Variants in OSBPL3 observed in about 807,000 individuals in gnomAD.
OSBPL3 encodes oxysterol-binding protein-related protein 3.
OSBPL3 carries 65 observed loss-of-function variants against 120.1 expected under a neutral mutation model. The observed-to-expected ratio is 0.54, with a 90% confidence interval of 0.44 to 0.67. The LOEUF (loss-of-function observed/expected upper bound fraction) is 0.67, where lower values mean the gene tolerates loss of function less well. OSBPL3 is among the 30% of genes least tolerant of loss of function. The pLI is 0.00. For synonymous variants in OSBPL3, 416 were observed against 402.6 expected, an observed-to-expected ratio of 1.03 and a Z score of -0.40; for missense variants, 1,004 against 1,082.1, an observed-to-expected ratio of 0.93 and a Z score of 1.01.
In OSBPL3 at chr7:24,821,770, C is replaced by T. The variant is rs144784089; in HGVS notation, c.1885-1532G>A. 3.9e-5 allele frequency among the ~76,000 whole-genome samples: 6 copies of T among 152,358 alleles called. No homozygotes were observed. Among genetic ancestry groups the T allele is most frequent in the Admixed American group, 1.3e-4 (2 of 15,306 alleles). ...TTAGTTCCCATGTGCCTCCTAAGAA[C>T]GTGAGCCCTTCTGTGCCTGTGGGAT... On this transcript the variant is annotated intron_variant, in intron 16 of 22. Coordinates refer to ENST00000313367, the MANE Select transcript of OSBPL3 (RefSeq NM_015550.4). This position sits in a 1 kb window ranked among gnomAD's most constrained non-coding sequence, Gnocchi z 5.5.
chr7:24,817,920 GA>G lies in OSBPL3; in HGVS notation c.1949-1233del, dbSNP rs1409769653. 6.6e-6 allele frequency among the ~76,000 whole-genome samples: 1 copy of G among 152,178 alleles called. No individual in the cohort carries two copies. The highest frequency in any genetic ancestry group is 1.5e-5 in the Non-Finnish European group (1 of 68,032). ...GTACCAACAGAGAAGCCAGGAAATA[GA>G]AAAAGAACAGCAAGAGGATCCCATC... On this transcript the variant is annotated intron_variant, in intron 17 of 22. Coordinates refer to ENST00000313367, the MANE Select transcript of OSBPL3 (RefSeq NM_015550.4). This position sits in a 1 kb window ranked among gnomAD's most constrained non-coding sequence, Gnocchi z 4.0.
At position 24,912,547 on chromosome 7, in the gene OSBPL3, A is replaced by G. The variant is rs991137664; in HGVS notation, c.-149-19926T>C. On this transcript the variant is annotated intron_variant, in intron 1 of 22. Transcript: ENST00000313367. This position sits in a 1 kb window ranked among gnomAD's most constrained non-coding sequence, Gnocchi z 4.5. ...GTACTATGCAAAAGGCAACTCTCCC[A>G]TCCTCACACCCAAAGACAGAACAGC... Among the ~76,000 whole-genome samples the G allele has an allele frequency of 1.4e-4, 21 of 152,306 alleles. No individual in the cohort carries two copies. Among genetic ancestry groups the G allele is most frequent in the African/African-American group, 5.1e-4 (21 of 41,562 alleles).
At chr7:24,949,736 C>T (rs750395142) in intron 1 of OSBPL3, among the ~76,000 whole-genome samples, 14 of 152,052 alleles carry the variant, frequency 9.2e-5, no homozygotes, top group Non-Finnish European at 1.6e-4. Flanking sequence ...TACAAATGGC[C>T]CAGTGCACAA....
intron 16 of OSBPL3, among the ~76,000 whole-genome samples, chr7:24,826,051 A>G (rs1249804810): frequency 2.6e-5 from 4 of 152,238 alleles, no homozygotes; most frequent in African/African-American, 9.6e-5. Context: ...TGAAAAAAGG[A>G]ACATAGCCAA....
In OSBPL3 at chr7:24,966,110, C is replaced by T. The variant is rs959001502; in HGVS notation, c.-150+13776G>A. Among the ~76,000 whole-genome samples, 1 of 152,236 alleles carries T rather than the reference C, an allele frequency of 6.6e-6. No homozygotes were observed. The highest frequency in any genetic ancestry group is 2.4e-5 in the African/African-American group (1 of 41,452). ...TGTGGGAGGTCCATGACTTGCTAAA[C>T]CTCAGCCTGAGTTAACTAGCTACAG... On this transcript the variant is annotated intron_variant, in intron 1 of 22. Transcript: ENST00000313367. The surrounding 1 kb of genome is among the most constrained non-coding windows in gnomAD (Gnocchi z 4.8).
chr7:24,863,005 G>A lies in OSBPL3; in HGVS notation c.870+195C>T, dbSNP rs1278249536. ...AGAAAAAATTCTCTCCCTTGCCCACGATCCATTATGTGCTTATCCTAGCAC... is the reference window on the plus strand; with the variant it reads ...AGAAAAAATTCTCTCCCTTGCCCACAATCCATTATGTGCTTATCCTAGCAC... On this transcript the variant is annotated intron_variant, in intron 9 of 22. Coordinates refer to ENST00000313367, the MANE Select transcript of OSBPL3 (RefSeq NM_015550.4). This position sits in a 1 kb window ranked among gnomAD's most constrained non-coding sequence, Gnocchi z 5.8. Among the ~76,000 whole-genome samples the A allele has an allele frequency of 2.6e-5, 4 of 152,110 alleles. No individual in the cohort carries two copies. The highest frequency in any genetic ancestry group is 4.8e-5 in the African/African-American group (2 of 41,402).
rs1562824844 is a variant in OSBPL3 at position 24,851,160 on chromosome 7, A to G, written c.1158+1344T>C. On this transcript the variant is annotated intron_variant, in intron 11 of 22. Coordinates refer to ENST00000313367, the MANE Select transcript of OSBPL3 (RefSeq NM_015550.4). The surrounding 1 kb of genome is among the most constrained non-coding windows in gnomAD (Gnocchi z 4.1). ...ACCTTTTGTAAATGCACTAAAAGCTAGCTTAATGAGAACAATAAGAAAGTT... is the reference window on the plus strand; with the variant it reads ...ACCTTTTGTAAATGCACTAAAAGCTGGCTTAATGAGAACAATAAGAAAGTT... 6.6e-6 allele frequency among the ~76,000 whole-genome samples: 1 copy of G among 152,236 alleles called. No homozygotes were observed.
At chr7:24,866,756 A>G (rs1414500751) in intron 5 of OSBPL3, among the ~76,000 whole-genome samples, 4 of 152,174 alleles carry the variant, frequency 2.6e-5, no homozygotes, top group Non-Finnish European at 5.9e-5. Context: ...CAGAGTAAAA[A>G]TGATCTTTAT....
In OSBPL3 at chr7:24,863,720, G is replaced by A; in HGVS notation, c.674-121C>T. The A allele has an allele frequency of 1.5e-6, 1 of 663,904 alleles. No homozygotes were observed. The highest frequency in any genetic ancestry group is 3.1e-4 in the Middle Eastern group (1 of 3,238). The allele number at this position is 663,904 out of a possible 1,614,324, so 41.1% of individuals were successfully genotyped here. A position where few individuals can be genotyped will look rare whatever the true frequency, so the allele number is the denominator to read the frequency against. ...AGTTGATTTTTTTTTTCATCTGTAA[G>A]GGTTGGAAATTTTACTTCCTTTTTT... is the stretch of plus-strand genomic sequence containing the variant. On this transcript the variant is annotated intron_variant, in intron 7 of 22. Transcript: ENST00000313367. The surrounding 1 kb of genome is among the most constrained non-coding windows in gnomAD (Gnocchi z 5.8).
Position 24,866,150 on chromosome 7 carries a change from G to GCCA in OSBPL3, c.468_469insTGG (p.Pro156_His157insTrp). On this transcript the variant is annotated inframe_insertion, in exon 6 of 23. Coordinates refer to ENST00000313367, the MANE Select transcript of OSBPL3 (RefSeq NM_015550.4). ...CCTGAGAAAAAGTGGTTAACTTCAT[G>GCCA]TGGAAACATGGCAATTTCATTCTGA... 6.2e-7 allele frequency: 1 copy of GCCA among 1,613,088 alleles called. No individual in the cohort carries two copies. Among genetic ancestry groups the GCCA allele is most frequent in the Non-Finnish European group, 8.5e-7 (1 of 1,178,980 alleles).
At position 24,820,817 on chromosome 7, in the gene OSBPL3, T is replaced by TAA. The variant is rs34650111; in HGVS notation, c.1885-581_1885-580dup. Among the ~76,000 whole-genome samples, 34,708 of 146,890 alleles carry TAA rather than the reference T, an allele frequency of 0.24. 5,200 individuals are homozygous for TAA. The highest frequency in any genetic ancestry group is 0.43 in the African/African-American group (17,093 of 40,158). ...TTTTTTTAAAAAAGAGTGTTTCTATTAAAAAAAAAAAAGGTAAACACAATT... is the reference window on the plus strand; with the variant it reads ...TTTTTTTAAAAAAGAGTGTTTCTATTAAAAAAAAAAAAAAGGTAAACACAATT... On this transcript the variant is annotated intron_variant, in intron 16 of 22. Coordinates refer to ENST00000313367, the MANE Select transcript of OSBPL3 (RefSeq NM_015550.4). This position sits in a 1 kb window ranked among gnomAD's most constrained non-coding sequence, Gnocchi z 4.6.
chr7:24,807,598 TAA>T (rs1169828343), intron 20 of OSBPL3, among the ~76,000 whole-genome samples: 1 of 152,160 alleles, frequency 6.6e-6, no homozygotes, highest in Non-Finnish European at 1.5e-5. Flanking sequence ...GTTTTTGATT[TAA>T]GTGATGTCAA....
At chr7:24,847,289 A>G (rs756217403) in intron 12 of OSBPL3, among the ~76,000 whole-genome samples, 15 of 152,194 alleles carry the variant, frequency 9.9e-5, no homozygotes, top group Non-Finnish European at 2.2e-4. Context: ...AGGCAACAAT[A>G]ACTTTACCTT....
At position 24,849,272 on chromosome 7, in the gene OSBPL3, T is replaced by C. The variant is rs919217168; in HGVS notation, c.1159-96A>G. On this transcript the variant is annotated intron_variant, in intron 11 of 22. Transcript: ENST00000313367. This position sits in a 1 kb window ranked among gnomAD's most constrained non-coding sequence, Gnocchi z 5.4. The stretch of plus-strand genomic sequence containing the variant: ...GCAGGAGCGATCTCTAAGAGCTTGA[T>C]GAAACTCTTAGTGACGTGGTCTGAC... 1.5e-5 allele frequency: 13 copies of C among 877,452 alleles called. No homozygotes were observed. The highest frequency in any genetic ancestry group is 1.4e-5 in the Non-Finnish European group (8 of 552,368). 54.4% of individuals were successfully genotyped at this position (877,452 alleles called of 1,614,324 possible).
Position 24,912,036 on chromosome 7 carries a change from CTTGT to C in OSBPL3, c.-149-19419_-149-19416del, listed in dbSNP as rs1562918729. Among the ~76,000 whole-genome samples the C allele has an allele frequency of 6.6e-6, 1 of 152,156 alleles. No homozygotes were observed. Among genetic ancestry groups the C allele is most frequent in the Non-Finnish European group, 1.5e-5 (1 of 68,020 alleles). ...AAAGCAATTTGAAGACTGTCTCATC[CTTGT>C]TTTTGTTTTTTCTTAATTGACACGG... On this transcript the variant is annotated intron_variant, in intron 1 of 22. Coordinates refer to ENST00000313367, the MANE Select transcript of OSBPL3 (RefSeq NM_015550.4). This position sits in a 1 kb window ranked among gnomAD's most constrained non-coding sequence, Gnocchi z 4.5.
intron 19 of OSBPL3, chr7:24,810,273 C>T (rs1304953195): frequency 1.0e-5 from 2 of 195,992 alleles, no homozygotes; most frequent in Non-Finnish European, 2.1e-5. Context: ...GCCTGTAATC[C>T]CAGCACTTTG....
rs533174287 is a variant in OSBPL3, at chr7:24,913,314, C to A, written c.-149-20693G>T. ...GGAAGCCCTGGCAGACCTCCAGACT[C>A]AGCAGGTGGGAAGCATGAGAACATG... On this transcript the variant is annotated intron_variant, in intron 1 of 22. Transcript: ENST00000313367. The surrounding 1 kb of genome is among the most constrained non-coding windows in gnomAD (Gnocchi z 5.3). 9.9e-5 allele frequency among the ~76,000 whole-genome samples: 15 copies of A among 152,280 alleles called. No individual in the cohort carries two copies. Among genetic ancestry groups the A allele is most frequent in the African/African-American group, 3.4e-4 (14 of 41,534 alleles).
rs562433587 is a variant in OSBPL3, at chr7:24,855,302, G to T, written c.1028-2668C>A. On this transcript the variant is annotated intron_variant, in intron 10 of 22. Coordinates refer to ENST00000313367, the MANE Select transcript of OSBPL3 (RefSeq NM_015550.4). This position sits in a 1 kb window ranked among gnomAD's most constrained non-coding sequence, Gnocchi z 4.3. ...AAATAAATGTGGCACTCAGCTAGCC[G>T]CCACTTTCCAAATCAATTCCTCTGG... is the stretch of plus-strand genomic sequence containing the variant. 6.6e-6 allele frequency among the ~76,000 whole-genome samples: 1 copy of T among 152,152 alleles called. No homozygotes were observed. Among genetic ancestry groups the T allele is most frequent in the South Asian group, 2.1e-4 (1 of 4,832 alleles).
intron 1 of OSBPL3, among the ~76,000 whole-genome samples, chr7:24,970,779 A>G (rs1246439227): frequency 1.3e-5 from 2 of 152,190 alleles, no homozygotes; most frequent in Admixed American, 6.5e-5. Context: ...GTTAGTGTGC[A>G]TCATAATCAC....
Sources: allele counts gnomAD v4.1 joint callset (sites outside exome capture counted in the v4.1 genomes callset), GRCh38; gene constraint gnomAD v4.1.1; non-coding constraint Gnocchi (gnomAD v3.1); transcripts MANE v1.5; gene names NCBI Gene and HGNC (gene_info 2026-07-23, HGNC 2026-07-21).